The following GDPD1 variants were observed in gnomAD, a reference collection of about 807,000 sequenced individuals.
GDPD1 encodes the protein lysophospholipase D GDPD1.
A neutral mutation model predicts 45.1 loss-of-function variants in GDPD1; 28 were observed. The ratio of observed to expected loss-of-function variants is 0.62; its 90% CI spans 0.46 to 0.85. The LOEUF (loss-of-function observed/expected upper bound fraction) is 0.85. Ranked by LOEUF, GDPD1 falls within the 40% of genes least tolerant of loss-of-function variation. GDPD1 has a pLI of 0.00. For synonymous variants in GDPD1, 139 were observed against 131.4 expected (o/e 1.06, Z -0.40); for missense variants, 256 against 364.8 (o/e 0.70, Z 2.43).
intron 8 of GDPD1, among the ~76,000 whole-genome samples, chr17:59,272,071 G>C (rs2047448611): frequency 6.6e-6 from 1 of 152,024 alleles, no homozygotes; most frequent in African/African-American, 2.4e-5. Flanking sequence ...GTAAAACCAG[G>C]ATGCATTTTT....
In GDPD1 at chr17:59,220,764, C is replaced by G; in HGVS notation, c.142+13C>G. ...TCTCACCGCGGAGGTGAGAGGGGTCCCCAGAACCCGATGACGGAGGTGGGG... is the reference window on the plus strand; with the variant it reads ...TCTCACCGCGGAGGTGAGAGGGGTCGCCAGAACCCGATGACGGAGGTGGGG... On this transcript the variant is annotated intron_variant, in intron 1 of 9. Transcript: ENST00000284116. 1 of 1,608,622 alleles carries G rather than the reference C, an allele frequency of 6.2e-7. No individual in the cohort carries two copies. The highest frequency in any genetic ancestry group is 1.3e-5 in the African/African-American group (1 of 74,918).
chr17:59,244,976 A>C (rs2047199728), intron 2 of GDPD1, among the ~76,000 whole-genome samples: 1 of 152,192 alleles, frequency 6.6e-6, no homozygotes, highest in South Asian at 2.1e-4. Flanking sequence ...AGCCTGGGCA[A>C]CAGAGCAAGA....
intron 1 of GDPD1, among the ~76,000 whole-genome samples, chr17:59,231,748 C>T (rs1032628508): frequency 6.6e-6 from 1 of 152,008 alleles, no homozygotes; most frequent in Non-Finnish European, 1.5e-5. Flanking sequence ...TGACTAACAT[C>T]GTTGACTCCT....
At chr17:59,241,699 C>T (rs997988558) in intron 2 of GDPD1, among the ~76,000 whole-genome samples, 14 of 151,484 alleles carry the variant, frequency 9.2e-5, no homozygotes, top group African/African-American at 3.1e-4. Flanking sequence ...GAGGCCGAGG[C>T]GGGTGGATCA....
intron 6 of GDPD1, among the ~76,000 whole-genome samples, chr17:59,262,624 G>GT (rs2031712601): frequency 3.8e-5 from 5 of 130,312 alleles, no homozygotes; most frequent in African/African-American, 5.3e-5. Flanking sequence ...TTGTATCTTG[G>GT]TTTTGTTTTT....
At chr17:59,224,547 C>T (rs1220930150) in intron 1 of GDPD1, among the ~76,000 whole-genome samples, 1 of 151,356 alleles carries the variant, frequency 6.6e-6, no homozygotes, top group Non-Finnish European at 1.5e-5. Context: ...ATGGCGTGAA[C>T]CCGGGAGGCG....
chr17:59,269,279 A>G (rs757794317), intron 7 of GDPD1, among the ~76,000 whole-genome samples: 18 of 151,972 alleles, frequency 1.2e-4, no homozygotes, highest in Non-Finnish European at 2.2e-4. Flanking sequence ...GCGACAGAGC[A>G]AGACTCTGTC....
At chr17:59,246,516 C>G (rs1195217227) in intron 3 of GDPD1, among the ~76,000 whole-genome samples, 1 of 151,482 alleles carries the variant, frequency 6.6e-6, no homozygotes, top group Non-Finnish European at 1.5e-5. Flanking sequence ...CGGGACCGCC[C>G]TGGCCAACAT....
At chr17:59,224,737 A>G (rs1181177622) in intron 1 of GDPD1, among the ~76,000 whole-genome samples, 1 of 152,096 alleles carries the variant, frequency 6.6e-6, no homozygotes, top group Admixed American at 6.6e-5. Flanking sequence ...CAGGAGGATC[A>G]CTTGAGCCCA....
At chr17:59,239,064 G>C (rs2047156215) in intron 2 of GDPD1, among the ~76,000 whole-genome samples, 1 of 152,202 alleles carries the variant, frequency 6.6e-6, no homozygotes, top group African/African-American at 2.4e-5. Context: ...TATAGTATTA[G>C]CCGGAATGGT....
chr17:59,222,093 C>T (rs1037295485), intron 1 of GDPD1, among the ~76,000 whole-genome samples: 1 of 152,164 alleles, frequency 6.6e-6, no homozygotes, highest in African/African-American at 2.4e-5. Context: ...TGTAGGATGA[C>T]ATTTAACTAC....
chr17:59,257,343 TGATACCCTAGG>T (rs1178119254), intron 5 of GDPD1, 103 bp downstream of exon 5: 5 of 657,864 alleles, frequency 7.6e-6, no homozygotes, highest in Non-Finnish European at 1.3e-5. Flanking sequence ...CAAGGAAATG[TGATACCCTAGG>T]GATCAGCATT....
At chr17:59,267,594 A>G (rs910725083) in intron 7 of GDPD1, among the ~76,000 whole-genome samples, 1 of 151,920 alleles carries the variant, frequency 6.6e-6, no homozygotes, top group East Asian at 1.9e-4. Context: ...AACCACCACC[A>G]CCATAAAAAC....
Position 59,269,476 on chromosome 17 carries a change from C to A in GDPD1, c.711-1460C>A, listed in dbSNP as rs952836768. Among the ~76,000 whole-genome samples, 14 of 72,492 alleles carry A rather than the reference C, an allele frequency of 1.9e-4. 1 individual carries two copies. The highest frequency in any genetic ancestry group is 8.8e-4 in the African/African-American group (12 of 13,658). 47.6% of individuals were successfully genotyped at this position (72,492 alleles called of 152,430 possible). On this transcript the variant is annotated intron_variant, in intron 7 of 9. Coordinates refer to ENST00000284116, the MANE Select transcript of GDPD1 (RefSeq NM_182569.4). ...AACAATAGAAAACGCTTCTTGTCTA[C>A]CCCCCCCCCCAAAAAACACCCTATT...
At chr17:59,255,593 A>G (rs1246930136) in intron 4 of GDPD1, among the ~76,000 whole-genome samples, 5 of 145,222 alleles carry the variant, frequency 3.4e-5, no homozygotes, top group Non-Finnish European at 6.0e-5. Context: ...AATACAAAAA[A>G]TTAGCCAGGT....
intron 3 of GDPD1, 95 bp from the exon 4 acceptor site, chr17:59,248,645 T>C: frequency 1.2e-6 from 1 of 860,912 alleles, no homozygotes; most frequent in East Asian, 2.5e-5. Flanking sequence ...GTCTTCTGTA[T>C]GTTAAAGAAG....
chr17:59,266,661 C>T (rs1050388366), intron 6 of GDPD1, among the ~76,000 whole-genome samples: 3 of 152,050 alleles, frequency 2.0e-5, no homozygotes, highest in Non-Finnish European at 4.4e-5. Context: ...TATATAGCTA[C>T]ATATTTTTTA....
At chr17:59,223,437 CTT>C (rs2047021532) in intron 1 of GDPD1, among the ~76,000 whole-genome samples, 1 of 152,180 alleles carries the variant, frequency 6.6e-6, no homozygotes, top group Admixed American at 6.5e-5. Flanking sequence ...AGATAAAACA[CTT>C]TGTAATTCAA....
At chr17:59,246,612 G>A (rs959494168) in intron 3 of GDPD1, among the ~76,000 whole-genome samples, 7 of 148,394 alleles carry the variant, frequency 4.7e-5, no homozygotes, top group Admixed American at 2.0e-4. Context: ...AGGAGGCTGA[G>A]GCAGGAGAAT....
Sources: gnomAD v4.1 joint callset for allele counts (sites outside exome capture counted in the v4.1 genomes callset) on GRCh38, gnomAD v4.1.1 for gene constraint, MANE v1.5 for transcripts, NCBI Gene and HGNC (gene_info 2026-07-23, HGNC 2026-07-21) for gene names.